The following RBFOX1 variants were observed in gnomAD, a reference collection of about 807,000 sequenced individuals.
RBFOX1 encodes the protein RNA binding fox-1 homolog 1, also known as RNA binding protein fox-1 homolog 1.
RBFOX1 carries 8 observed loss-of-function variants against 57.7 expected under a neutral mutation model. The ratio of observed to expected loss-of-function variants is 0.14; its 90% CI spans 0.08 to 0.25. The LOEUF is 0.25. Ranked by LOEUF, RBFOX1 falls within the 10% of genes least tolerant of loss-of-function variation. The pLI, the probability that RBFOX1 is intolerant of heterozygous loss-of-function variation, is 1.00. For synonymous variants in RBFOX1, 326 were observed against 222.4 expected (o/e 1.47, Z -4.15); for missense variants, 611 against 548.5 (o/e 1.11, Z -1.14).
intron 1 of RBFOX1, among the ~76,000 whole-genome samples, chr16:6,035,499 G>C (rs1366267006): frequency 5.3e-5 from 8 of 151,326 alleles, no homozygotes. Flanking sequence ...TTGAAAAATT[G>C]CCTGGTAAAG....
intron 1 of RBFOX1, among the ~76,000 whole-genome samples, chr16:5,327,579 A>G (rs75046647): frequency 0.02 from 2,998 of 152,216 alleles, 37 homozygotes; most frequent in Non-Finnish European, 0.032. Flanking sequence ...AAACGCCCCA[A>G]TCTGCACAAT....
chr16:7,197,797 C>T (rs1567668806), intron 4 of RBFOX1, among the ~76,000 whole-genome samples: 1 of 151,952 alleles, frequency 6.6e-6, no homozygotes, highest in East Asian at 1.9e-4. Flanking sequence ...GAGCATTATG[C>T]TAAGGGAAGG....
intron 4 of RBFOX1, among the ~76,000 whole-genome samples, chr16:7,317,281 A>C (rs2096462092): frequency 6.6e-6 from 1 of 152,174 alleles, no homozygotes; most frequent in Non-Finnish European, 1.5e-5. Flanking sequence ...AACTCCCTGA[A>C]GTCAGACTTC....
At chr16:5,636,329 C>T (rs1406390933) in intron 3 of RBFOX1, among the ~76,000 whole-genome samples, 2 of 152,034 alleles carry the variant, frequency 1.3e-5, no homozygotes, top group African/African-American at 4.8e-5. Flanking sequence ...GCCTGGGCGA[C>T]AAGAGTGAAA....
intron 4 of RBFOX1, among the ~76,000 whole-genome samples, chr16:7,062,642 G>A (rs1340889386): frequency 1.3e-5 from 2 of 152,156 alleles, no homozygotes; most frequent in East Asian, 3.9e-4. Flanking sequence ...TATGGCCAAG[G>A]CAGGACAGTT....
rs1337641036 is a variant in RBFOX1, at chr16:5,748,639, C to T, written c.319-118664C>T. On this transcript the variant is annotated intron_variant, in intron 3 of 19. Transcript: ENST00000641259. ...ACCATTATATAATGGCCTTCTTTGT[C>T]TCTTTTGATCTTTGTTGGTTTAAAG... 3.9e-5 allele frequency among the ~76,000 whole-genome samples: 6 copies of T among 152,196 alleles called. No homozygotes were observed. In the East Asian group the frequency reaches 1.2e-3, roughly 29 times the overall value.
At chr16:5,434,648 A>G (rs1445933260) in intron 1 of RBFOX1, among the ~76,000 whole-genome samples, 5 of 152,034 alleles carry the variant, frequency 3.3e-5, no homozygotes, top group African/African-American at 1.2e-4. Flanking sequence ...GTGCCTCTAA[A>G]TTGTGTGCTA....
rs145406284 is a variant in RBFOX1 at position 5,816,926 on chromosome 16, T to G, written c.319-50377T>G. ...ATGGAGTACCTGAGATGTGTTGATA[T>G]AGGCATGCATATCCTCTCTGTGTTC... On this transcript the variant is annotated intron_variant, in intron 3 of 19. Coordinates refer to the RBFOX1 transcript ENST00000641259. Among the ~76,000 whole-genome samples the G allele has an allele frequency of 3.7e-3, 570 of 152,344 alleles. 3 individuals carry two copies. Among genetic ancestry groups the G allele is most frequent in the African/African-American group, 0.013 (542 of 41,592 alleles).
chr16:5,804,085 C>T (rs1478793071), intron 3 of RBFOX1, among the ~76,000 whole-genome samples: 1 of 152,220 alleles, frequency 6.6e-6, no homozygotes, highest in Non-Finnish European at 1.5e-5. Context: ...TACCCAAGTA[C>T]ATGTCTGCCT....
chr16:6,743,525 T>C (rs757880482), intron 3 of RBFOX1, among the ~76,000 whole-genome samples: 14 of 152,126 alleles, frequency 9.2e-5, no homozygotes, highest in African/African-American at 9.7e-5. Flanking sequence ...GAGGATGCCT[T>C]GAGCCCAGGA....
At chr16:7,450,899 A>G (rs1049004874) in intron 4 of RBFOX1, among the ~76,000 whole-genome samples, 1 of 152,172 alleles carries the variant, frequency 6.6e-6, no homozygotes, top group Non-Finnish European at 1.5e-5. Flanking sequence ...GTTTCAGGGC[A>G]TGCATCCACA....
intron 3 of RBFOX1, among the ~76,000 whole-genome samples, chr16:5,688,113 T>C (rs983423206): frequency 7.2e-5 from 11 of 152,208 alleles, no homozygotes; most frequent in African/African-American, 2.4e-4. Context: ...CAATTTATTA[T>C]ACTCTTGTAG....
chr16:5,644,075 C>T (rs925822157), intron 3 of RBFOX1, among the ~76,000 whole-genome samples: 3 of 152,122 alleles, frequency 2.0e-5, no homozygotes, highest in African/African-American at 7.2e-5. Context: ...TTTCATGATG[C>T]AAATTTCAGA....
intron 2 of RBFOX1, among the ~76,000 whole-genome samples, chr16:6,514,673 G>C (rs2096335151): frequency 6.6e-6 from 1 of 151,866 alleles, no homozygotes; most frequent in Non-Finnish European, 1.5e-5. Flanking sequence ...CCACAAAAAT[G>C]GTGTCTCCTG....
chr16:6,199,845 C>T (rs1234223209), intron 1 of RBFOX1, among the ~76,000 whole-genome samples: 1 of 152,144 alleles, frequency 6.6e-6, no homozygotes, highest in African/African-American at 2.4e-5. Context: ...CCAACACTCT[C>T]AGCCACAGCT....
intron 1 of RBFOX1, among the ~76,000 whole-genome samples, chr16:5,346,660 G>C (rs11866657): frequency 0.019 from 2,869 of 152,304 alleles, 89 homozygotes; most frequent in African/African-American, 0.066. Flanking sequence ...GGAGAGTGGA[G>C]TGTGCTGTGG....
intron 1 of RBFOX1, among the ~76,000 whole-genome samples, chr16:6,251,714 A>C (rs760279819): frequency 6.6e-6 from 1 of 152,126 alleles, no homozygotes; most frequent in South Asian, 2.1e-4. Context: ...ATTACAAATT[A>C]AATGAATGAA....
chr16:7,430,962 T>C (rs991585387), intron 4 of RBFOX1, among the ~76,000 whole-genome samples: 1 of 152,172 alleles, frequency 6.6e-6, no homozygotes, highest in Non-Finnish European at 1.5e-5. Context: ...CTCAGAAAAA[T>C]AGAAGCACGT....
At chr16:7,424,865 T>G (rs2098594774) in intron 4 of RBFOX1, among the ~76,000 whole-genome samples, 1 of 152,156 alleles carries the variant, frequency 6.6e-6, no homozygotes, top group African/African-American at 2.4e-5. Context: ...CAGGTGTTAT[T>G]TTGACTGAAT....
Sources: gnomAD v4.1 joint callset for allele counts (sites outside exome capture counted in the v4.1 genomes callset) on GRCh38, gnomAD v4.1.1 for gene constraint, MANE v1.5 for transcripts, NCBI Gene and HGNC (gene_info 2026-07-23, HGNC 2026-07-21) for gene names.